INTS3: variants seen among roughly 807,000 people sequenced by gnomAD.
INTS3 encodes integrator complex subunit 3.
A neutral mutation model predicts 146.3 loss-of-function variants in INTS3; 34 were observed. That is an observed-to-expected ratio of 0.23 (90% CI 0.18 to 0.31). The LOEUF (loss-of-function observed/expected upper bound fraction) is 0.31. Ranked by LOEUF, INTS3 falls within the 10% of genes least tolerant of loss-of-function variation. The probability of loss-of-function intolerance (pLI) is 1.00; values close to 1 mark genes in which losing one functional copy is unlikely to be tolerated. For missense variants in INTS3, 757 were observed against 1,304.2 expected (o/e 0.58, Z 6.46); for synonymous variants, 475 against 494.9 (o/e 0.96, Z 0.53).
chr1:153,735,230 C>T (rs1456515470), intron 1 of INTS3, among the ~76,000 whole-genome samples: 1 of 152,170 alleles, frequency 6.6e-6, no homozygotes, highest in Non-Finnish European at 1.5e-5. Context: ...CCTTGGCCTC[C>T]CAAAGCGCTG....
At position 153,728,415 on chromosome 1, in the gene INTS3, A is replaced by C. The variant is rs1371880377; in HGVS notation, c.-220A>C. 1.9e-6 allele frequency: 1 copy of C among 523,710 alleles called. No individual in the cohort carries two copies. The highest frequency in any genetic ancestry group is 2.0e-5 in the African/African-American group (1 of 49,616). 32.4% of individuals were successfully genotyped at this position (523,710 alleles called of 1,614,324 possible). A position where few individuals can be genotyped will look rare whatever the true frequency, so the allele number is the denominator to read the frequency against. On this transcript the variant is annotated 5_prime_UTR_variant, in exon 1 of 30. Coordinates refer to ENST00000318967, the MANE Select transcript of INTS3 (RefSeq NM_023015.5). Reference sequence around the variant, plus strand: ...TCGGAGCCAACGCCTTTCCCTCAGCACTGCCACCCCAGAGTCAGGACCCAG... The same window carrying C: ...TCGGAGCCAACGCCTTTCCCTCAGCCCTGCCACCCCAGAGTCAGGACCCAG...
intron 1 of INTS3, among the ~76,000 whole-genome samples, chr1:153,731,579 CTT>C (rs71093282): frequency 1.5e-5 from 2 of 129,806 alleles, no homozygotes; most frequent in African/African-American, 3.0e-5. Flanking sequence ...AGAGCGTCCT[CTT>C]TTTTTTTTTT....
chr1:153,733,643 C>T (rs1168755745), intron 1 of INTS3, among the ~76,000 whole-genome samples: 3 of 150,582 alleles, frequency 2.0e-5, no homozygotes, highest in Admixed American at 6.6e-5. Flanking sequence ...ATTCTCGCTC[C>T]GTCACCCAGG....
rs569295542 is a variant in INTS3, at chr1:153,761,379, G to A, written c.1410-191G>A. ...ACAAAAATTAGCCAGGTGTGATGGT[G>A]CACACCTGTAATCCTAGCTACTTGA... On this transcript the variant is annotated intron_variant, in intron 13 of 29. Transcript: ENST00000318967. The A allele has an allele frequency of 5.5e-5, 31 of 563,186 alleles. No individual in the cohort carries two copies. In the Admixed American group the frequency reaches 6.2e-4, roughly 11 times the overall value. The allele number at this position is 563,186 out of a possible 1,614,324, so 34.9% of individuals were successfully genotyped here.
In INTS3 at chr1:153,773,512, TCTGA is replaced by T; in HGVS notation, c.*247_*250del. On this transcript the variant is annotated 3_prime_UTR_variant, in exon 30 of 30. Coordinates refer to ENST00000318967, the MANE Select transcript of INTS3 (RefSeq NM_023015.5). ...CTGCTGTTCCCAGTGATATTTGGGATCTGACTGAAGCCAGAGGCTCTGTAAAATC... is the reference window on the plus strand; with the variant it reads ...CTGCTGTTCCCAGTGATATTTGGGATCTGAAGCCAGAGGCTCTGTAAAATC... The T allele has an allele frequency of 3.4e-6, 2 of 591,412 alleles. No individual in the cohort carries two copies. Among genetic ancestry groups the T allele is most frequent in the Non-Finnish European group, 6.2e-6 (2 of 323,792 alleles). 36.6% of individuals were successfully genotyped at this position (591,412 alleles called of 1,614,324 possible).
intron 4 of INTS3, 68 bp from the exon 5 acceptor site, chr1:153,747,211 A>T: frequency 1.4e-6 from 2 of 1,421,028 alleles, no homozygotes; most frequent in Non-Finnish European, 2.0e-6. Context: ...TTTCAGTTGT[A>T]ATTGAATTAG....
At chr1:153,739,831 G>A (rs1051997516) in intron 1 of INTS3, among the ~76,000 whole-genome samples, 1 of 151,686 alleles carries the variant, frequency 6.6e-6, no homozygotes, top group Non-Finnish European at 1.5e-5. Flanking sequence ...GTCTCGCTCT[G>A]TCGCCCAGGC....
At position 153,772,278 on chromosome 1, in the gene INTS3, G is replaced by T; in HGVS notation, c.2721-62G>T. On this transcript the variant is annotated intron_variant, in intron 26 of 29. Coordinates refer to ENST00000318967, the MANE Select transcript of INTS3 (RefSeq NM_023015.5). The surrounding 1 kb of genome is among the most constrained non-coding windows in gnomAD (Gnocchi z 4.6). ...TCTTAAGGGGGCCCTGGCGGGTGGA[G>T]GGTGTCTCGCACTCTGGAACCCTCC... The T allele has an allele frequency of 6.4e-7, 1 of 1,564,202 alleles. No individual in the cohort carries two copies. The highest frequency in any genetic ancestry group is 8.7e-7 in the Non-Finnish European group (1 of 1,146,856).
At chr1:153,745,213 G>A (rs1400739558) in intron 3 of INTS3, among the ~76,000 whole-genome samples, 1 of 148,116 alleles carries the variant, frequency 6.8e-6, no homozygotes, top group Non-Finnish European at 1.5e-5. Context: ...CTGGAGTGCA[G>A]TGGTACGATC....
At position 153,734,171 on chromosome 1, in the gene INTS3, C is replaced by T. The variant is rs1286852588; in HGVS notation, c.150+5387C>T. ...CTAAGGTACTGTCATGGAGGGCTTA[C>T]TCTGAACAGAGCCATTCTGCCAGCA... On this transcript the variant is annotated intron_variant, in intron 1 of 29. Coordinates refer to ENST00000318967, the MANE Select transcript of INTS3 (RefSeq NM_023015.5). 3.9e-5 allele frequency among the ~76,000 whole-genome samples: 6 copies of T among 152,148 alleles called. No homozygotes were observed. The East Asian group carries it at 9.6e-4, about 24-fold the overall frequency.
At chr1:153,768,466 G>C (rs748736288) in intron 21 of INTS3, among the ~76,000 whole-genome samples, 10 of 152,180 alleles carry the variant, frequency 6.6e-5, no homozygotes, top group Non-Finnish European at 1.2e-4. Context: ...CACACCTCCA[G>C]ACATAAACTC....
chr1:153,752,019 G>C (rs1196418333), intron 7 of INTS3: 2 of 464,798 alleles, frequency 4.3e-6, no homozygotes, highest in Non-Finnish European at 7.6e-6. Context: ...TGAGTGGAGA[G>C]GGAGGTAGAT....
At chr1:153,740,126 G>T (rs557868197) in intron 1 of INTS3, among the ~76,000 whole-genome samples, 5 of 150,676 alleles carry the variant, frequency 3.3e-5, no homozygotes, top group Non-Finnish European at 7.4e-5. Flanking sequence ...TTGAGACAGG[G>T]TCTCGCTCTG....
rs58166068 is a variant in INTS3 at position 153,772,020 on chromosome 1, C to CGGT, written c.2720+86_2720+88dup. 20,114 of 1,182,228 alleles carry CGGT rather than the reference C, an allele frequency of 0.017. 308 individuals carry two copies. The highest frequency in any genetic ancestry group is 0.069 in the African/African-American group (4,493 of 65,172). The allele number at this position is 1,182,228 out of a possible 1,614,324, so 73.2% of individuals were successfully genotyped here. On this transcript the variant is annotated intron_variant, in intron 26 of 29. Coordinates refer to ENST00000318967, the MANE Select transcript of INTS3 (RefSeq NM_023015.5). The surrounding 1 kb of genome is among the most constrained non-coding windows in gnomAD (Gnocchi z 4.6). ...CATGGCGGTCTGCAGTGATTGCTGT[C>CGGT]GGTGGTGGTGGTGGTGGTGGTGGTG...
chr1:153,756,481 C>T (rs1183776836), intron 9 of INTS3, among the ~76,000 whole-genome samples: 5 of 151,308 alleles, frequency 3.3e-5, no homozygotes, highest in African/African-American at 1.2e-4. Context: ...CCAGCCTGGG[C>T]TCAAGCAATC....
chr1:153,762,457 G>C (rs1161510928), intron 14 of INTS3, among the ~76,000 whole-genome samples: 1 of 152,160 alleles, frequency 6.6e-6, no homozygotes, highest in Admixed American at 6.5e-5. Flanking sequence ...GACTGTCCCT[G>C]ATCTTACTCT....
chr1:153,772,053 T>C lies in INTS3; in HGVS notation c.2720+90T>C. 1 of 1,330,796 alleles carries C rather than the reference T, an allele frequency of 7.5e-7. No homozygotes were observed. Among genetic ancestry groups the C allele is most frequent in the Non-Finnish European group, 1.0e-6 (1 of 972,484 alleles). 82.4% of individuals were successfully genotyped at this position (1,330,796 alleles called of 1,614,324 possible). Reference sequence around the variant, plus strand: ...GTGGTGGTGGTGGTGGTGGTGGTGATGGGGGTCAGTGCTGTCCCAGCCTGG... The same window carrying C: ...GTGGTGGTGGTGGTGGTGGTGGTGACGGGGGTCAGTGCTGTCCCAGCCTGG... On this transcript the variant is annotated intron_variant, in intron 26 of 29. Coordinates refer to ENST00000318967, the MANE Select transcript of INTS3 (RefSeq NM_023015.5). The surrounding 1 kb of genome is among the most constrained non-coding windows in gnomAD (Gnocchi z 4.6).
Position 153,772,304 on chromosome 1 carries a change from C to T in INTS3, c.2721-36C>T. The T allele has an allele frequency of 1.2e-6, 2 of 1,604,708 alleles. No homozygotes were observed. The highest frequency in any genetic ancestry group is 1.7e-6 in the Non-Finnish European group (2 of 1,174,228). Reference sequence around the variant, plus strand: ...GGTGTCTCGCACTCTGGAACCCTCCCACACTCAGACTCTGGCTCTGGTGAT... The same window carrying T: ...GGTGTCTCGCACTCTGGAACCCTCCTACACTCAGACTCTGGCTCTGGTGAT... On this transcript the variant is annotated intron_variant, in intron 26 of 29. Coordinates refer to ENST00000318967, the MANE Select transcript of INTS3 (RefSeq NM_023015.5). The surrounding 1 kb of genome is among the most constrained non-coding windows in gnomAD (Gnocchi z 4.6).
chr1:153,730,535 G>A (rs1671023950), intron 1 of INTS3, among the ~76,000 whole-genome samples: 1 of 152,118 alleles, frequency 6.6e-6, no homozygotes, highest in African/African-American at 2.4e-5. Flanking sequence ...GATTCTTAGA[G>A]GCGTCATTGT....
Sources: gnomAD v4.1 joint callset for allele counts (sites outside exome capture counted in the v4.1 genomes callset) on GRCh38, gnomAD v4.1.1 for gene constraint, Gnocchi (gnomAD v3.1) non-coding constraint, MANE v1.5 for transcripts, NCBI Gene and HGNC (gene_info 2026-07-23, HGNC 2026-07-21) for gene names.